BEND4: variants seen among roughly 807,000 people sequenced by gnomAD.
BEND4 encodes BEN domain-containing protein 4.
Under a neutral mutation model 54.7 loss-of-function variants are expected in BEND4, and 27 were observed. The ratio of observed to expected loss-of-function variants is 0.49; its 90% CI spans 0.36 to 0.68. The LOEUF is 0.68. BEND4 is among the 30% of genes least tolerant of loss of function. BEND4 has a pLI of 0.00. For missense variants in BEND4, 702 were observed against 697.2 expected (o/e 1.01, Z -0.08); for synonymous variants, 327 against 299.5 (o/e 1.09, Z -0.95).
chr4:42,141,581 TA>T (rs1040081723), intron 3 of BEND4, among the ~76,000 whole-genome samples: 39 of 149,370 alleles, frequency 2.6e-4, no homozygotes, highest in African/African-American at 7.4e-4. Flanking sequence ...AAAATACAAT[TA>T]AAAAAAAAAT....
intron 2 of BEND4, among the ~76,000 whole-genome samples, chr4:42,147,674 T>C (rs1469379392): frequency 6.6e-6 from 1 of 152,138 alleles, no homozygotes; most frequent in Non-Finnish European, 1.5e-5. Flanking sequence ...TTTTGCTTTA[T>C]TGTGCAGCCT....
In BEND4 at chr4:42,151,946, G is replaced by T; in HGVS notation, c.198C>A (p.Ala66=). ...GCTCGCTGCTGCTGATGGAGACGGC[G>T]GCGTGCGGCGCGAAGGGCGGCGGGG... ...PPPPPPFAPH[A]AVSISSSEPP... Residue 66 remains alanine (A), a synonymous_variant, in exon 2 of 6, where the codon GCC becomes GCA. Coordinates refer to ENST00000502486, the MANE Select transcript of BEND4 (RefSeq NM_207406.4). The T allele has an allele frequency of 1.6e-6, 2 of 1,249,372 alleles. No homozygotes were observed. Among genetic ancestry groups the T allele is most frequent in the Non-Finnish European group, 2.0e-6 (2 of 994,724 alleles). 77.4% of individuals were successfully genotyped at this position (1,249,372 alleles called of 1,614,324 possible). A position where few individuals can be genotyped will look rare whatever the true frequency, so the allele number is the denominator to read the frequency against.
intron 2 of BEND4, among the ~76,000 whole-genome samples, chr4:42,147,583 C>G (rs553246624): frequency 1.4e-4 from 20 of 147,278 alleles, no homozygotes; most frequent in Non-Finnish European, 2.8e-4. Context: ...TTATCCCTAA[C>G]TTCCCTAAAA....
At chr4:42,138,761 A>T (rs1720784544) in intron 3 of BEND4, among the ~76,000 whole-genome samples, 1 of 152,188 alleles carries the variant, frequency 6.6e-6, no homozygotes. Context: ...CACTTAGAAA[A>T]TTTCAAGGTA....
chr4:42,111,830 GTTTGCTTTTATCTCCCTGCATT>G lies in BEND4; in HGVS notation c.*5666_*5687del, dbSNP rs1194687856. On this transcript the variant is annotated 3_prime_UTR_variant, in exon 6 of 6. Transcript: ENST00000502486. ...GACTCTCACTTCACTGAGTTCAAAT[GTTTGCTTTTATCTCCCTGCATT>G]TTTGCACTAGGAACCTATGGGACAA... is the stretch of plus-strand genomic sequence containing the variant. The G allele has an allele frequency of 6.6e-6, 1 of 152,160 alleles. No individual in the cohort carries two copies. The highest frequency in any genetic ancestry group is 6.5e-5 in the Admixed American group (1 of 15,274). 9.4% of individuals were successfully genotyped at this position (152,160 alleles called of 1,614,324 possible).
intron 3 of BEND4, among the ~76,000 whole-genome samples, chr4:42,140,750 CAAT>C (rs139102071): frequency 0.02 from 2,979 of 152,256 alleles, 44 homozygotes; most frequent in Non-Finnish European, 0.03. Flanking sequence ...AGGAATTAGA[CAAT>C]AATACTTGGG....
At chr4:42,123,694 G>GAAAAAAAAAAACAAAAAAAAAAAAAAAAA (rs1553921966) in intron 4 of BEND4, among the ~76,000 whole-genome samples, 4 of 50,802 alleles carry the variant, frequency 7.9e-5, no homozygotes, top group Non-Finnish European at 1.2e-4. Context: ...CTGTAATTCA[G>GAAAAAAAAAAACAAAAAAAAAAAAAAAAA]AAAAAAAAAA....
intron 3 of BEND4, among the ~76,000 whole-genome samples, chr4:42,130,479 C>CAAAAA (rs55989085): frequency 2.8e-4 from 18 of 64,910 alleles, no homozygotes; most frequent in African/African-American, 3.9e-4. Context: ...GAGTCCGTCT[C>CAAAAA]AAAAAAAAAA....
rs1317850193 is a variant in BEND4, at chr4:42,151,644, G to A, written c.487+13C>T. 8.9e-6 allele frequency: 13 copies of A among 1,453,480 alleles called. No homozygotes were observed. The Middle Eastern group carries it at 5.4e-4, about 60-fold the overall frequency. The allele number at this position is 1,453,480 out of a possible 1,614,324, so 90.0% of individuals were successfully genotyped here. A position where few individuals can be genotyped will look rare whatever the true frequency, so the allele number is the denominator to read the frequency against. ...GCCGTGGCGGGAAGGAAAGTTGTGC[G>A]GAGAGTTGGTACCTGCGCTGAGCTC... On this transcript the variant is annotated intron_variant, in intron 2 of 5. Coordinates refer to ENST00000502486, the MANE Select transcript of BEND4 (RefSeq NM_207406.4).
intron 2 of BEND4, among the ~76,000 whole-genome samples, chr4:42,147,695 A>G (rs545178166): frequency 1.3e-5 from 2 of 152,254 alleles, no homozygotes; most frequent in East Asian, 3.9e-4. Flanking sequence ...ACTGGGAGAT[A>G]ATATTATGCT....
At chr4:42,121,397 G>A (rs571274977) in intron 4 of BEND4, among the ~76,000 whole-genome samples, 1 of 152,326 alleles carries the variant, frequency 6.6e-6, no homozygotes, top group African/African-American at 2.4e-5. Flanking sequence ...AAGCAACGGC[G>A]TGATGTGGTT....
chr4:42,117,643 C>T lies in BEND4; in HGVS notation c.1480G>A (p.Ala494Thr), dbSNP rs2153144339. ...NKVFSDAVGHARQGRAVGTFL... is the reference protein window; with the variant it reads ...NKVFSDAVGHTRQGRAVGTFL... ...GTCCCCACCGCCCGCCCCTGTCGGG[C>T]GTGACCGACAGCGTCGCTGAACACT... Residue 494 changes from alanine to threonine, a missense_variant, in exon 6 of 6, where the codon GCC (alanine) becomes ACC (threonine). Transcript: ENST00000502486. 2 of 1,612,220 alleles carry T rather than the reference C, an allele frequency of 1.2e-6. No individual in the cohort carries two copies. The highest frequency in any genetic ancestry group is 1.7e-6 in the Non-Finnish European group (2 of 1,179,156).
chr4:42,146,644 T>A (rs1050353880), intron 2 of BEND4, among the ~76,000 whole-genome samples: 1 of 152,220 alleles, frequency 6.6e-6, no homozygotes, highest in Non-Finnish European at 1.5e-5. Flanking sequence ...TGATATTGAT[T>A]GGGAATTTTC....
rs1243836971 is a variant in BEND4 at position 42,117,534 on chromosome 4, T to A, written c.1589A>T (p.Asp530Val). ...QDEVFNKSSQDGSGD is the reference protein window; with the variant it reads ...QDEVFNKSSQVGSGD ...TTCTGTCCACTAATCCCCAGATCCA[T>A]CCTGGGAACTTTTATTGAAGACTTC... The change falls in exon 6 of 6, where the codon GAT (aspartate) becomes GTT (valine). Residue 530 changes from aspartate to valine, a missense_variant. Transcript: ENST00000502486. The A allele has an allele frequency of 6.2e-7, 1 of 1,610,392 alleles. No individual in the cohort carries two copies. Among genetic ancestry groups the A allele is most frequent in the South Asian group, 1.1e-5 (1 of 90,104 alleles).
In BEND4 at chr4:42,117,701, A is replaced by G; in HGVS notation, c.1422T>C (p.Asp474=). 6.2e-7 allele frequency: 1 copy of G among 1,608,620 alleles called. No individual in the cohort carries two copies. Among genetic ancestry groups the G allele is most frequent in the Non-Finnish European group, 8.5e-7 (1 of 1,177,378 alleles). ...FIRMHCTSNP[D]WWMPSEEQIN... ...TCTGCTCTTCCGAGGGCATCCACCAATCGGGGTTGGAGGTACAATGCATCC... is the reference window on the plus strand; with the variant it reads ...TCTGCTCTTCCGAGGGCATCCACCAGTCGGGGTTGGAGGTACAATGCATCC... The change falls in exon 6 of 6, where the codon GAT becomes GAC. Residue 474 remains aspartate, a synonymous_variant. Transcript: ENST00000502486.
intron 3 of BEND4, among the ~76,000 whole-genome samples, chr4:42,136,113 G>A (rs1720688844): frequency 6.6e-6 from 1 of 152,092 alleles, no homozygotes; most frequent in African/African-American, 2.4e-5. Flanking sequence ...CCACCTCAGA[G>A]CCCCCACTTT....
At chr4:42,142,636 C>CAAA in intron 3 of BEND4, among the ~76,000 whole-genome samples, 1 of 54,252 alleles carries the variant, frequency 1.8e-5, no homozygotes, top group East Asian at 7.0e-4. Context: ...GACTCCGTCT[C>CAAA]AAAAAAAAAA....
chr4:42,150,096 G>A (rs969935961), intron 2 of BEND4, among the ~76,000 whole-genome samples: 17 of 152,042 alleles, frequency 1.1e-4, no homozygotes, highest in African/African-American at 3.6e-4. Context: ...TAAAAATACA[G>A]GATGATAAAG....
At chr4:42,144,617 T>C (rs562399941) in intron 2 of BEND4, among the ~76,000 whole-genome samples, 12 of 152,366 alleles carry the variant, frequency 7.9e-5, no homozygotes, top group African/African-American at 2.6e-4. Context: ...CTTCTTTTCA[T>C]TTATTTGCTA....
Sources: allele counts gnomAD v4.1 joint callset (sites outside exome capture counted in the v4.1 genomes callset), GRCh38; gene constraint gnomAD v4.1.1; transcripts MANE v1.5; gene names NCBI Gene and HGNC (gene_info 2026-07-23, HGNC 2026-07-21).